The following GPRASP3 variants were observed in gnomAD, a reference collection of about 807,000 sequenced individuals.
GPRASP3 encodes the protein G protein-coupled receptor associated sorting protein 3.
chrX:102,736,878 T>A, the GPRASP3 span, among the ~76,000 whole-genome samples: 1 of 112,139 alleles, frequency 8.9e-6, no homozygotes, highest in East Asian at 2.8e-4. Flanking sequence ...GAAAAACAGG[T>A]AACGCAATGC....
chrX:102,739,667 T>C, the GPRASP3 span, among the ~76,000 whole-genome samples: 1 of 111,508 alleles, frequency 9.0e-6, no homozygotes, highest in African/African-American at 3.3e-5. Flanking sequence ...GACAAGCCGC[T>C]TTTAAAAGCC....
the GPRASP3 span, among the ~76,000 whole-genome samples, chrX:102,745,565 C>G: frequency 1.8e-5 from 2 of 111,160 alleles, no homozygotes. Flanking sequence ...ACTGCTGACA[C>G]CCCCTCTCCC....
At chrX:102,744,976 T>A in the GPRASP3 span, among the ~76,000 whole-genome samples, 1 of 111,213 alleles carries the variant, frequency 9.0e-6, no homozygotes, top group African/African-American at 3.3e-5. Flanking sequence ...CCCCATCGCT[T>A]GGAAGGGAGA....
At chrX:102,750,489 G>A in the GPRASP3 span, 5 of 1,210,124 alleles carry the variant, frequency 4.1e-6, no homozygotes, top group Non-Finnish European at 5.6e-6. Context: ...ACCAGAAAGA[G>A]GCAAAAGCCA....
At chrX:102,741,849 A>G in the GPRASP3 span, among the ~76,000 whole-genome samples, 1 of 112,325 alleles carries the variant, frequency 8.9e-6, no homozygotes, top group Non-Finnish European at 1.9e-5. Context: ...GTGGGCTGTA[A>G]TATTTAAAAT....
At chrX:102,737,176 A>G in the GPRASP3 span, among the ~76,000 whole-genome samples, 4 of 112,523 alleles carry the variant, frequency 3.6e-5, no homozygotes, top group African/African-American at 1.3e-4. Context: ...TTTTAAATGT[A>G]TGTATAGCTT....
chrX:102,726,813 A>T, the GPRASP3 span, among the ~76,000 whole-genome samples: 2 of 112,701 alleles, frequency 1.8e-5, no homozygotes, highest in African/African-American at 6.4e-5. Flanking sequence ...AACTAGGTTT[A>T]TCTATTATCT....
chrX:102,749,436 T>C, the GPRASP3 span: 4 of 1,210,210 alleles, frequency 3.3e-6, no homozygotes, highest in East Asian at 5.9e-5. Context: ...CCCAGGTCTG[T>C]GCTGAGGAGT....
chrX:102,735,403 CT>C, the GPRASP3 span, among the ~76,000 whole-genome samples: 1,823 of 94,395 alleles, frequency 0.019, 33 homozygotes, highest in African/African-American at 0.066. Flanking sequence ...CACAGAATCT[CT>C]TTTTTTTTTT....
At chrX:102,750,654 A>G in the GPRASP3 span, 2 of 1,140,189 alleles carry the variant, frequency 1.8e-6, no homozygotes, top group Middle Eastern at 2.5e-4. Context: ...AGCCAGAGAT[A>G]GAACATTTTA....
At chrX:102,751,934 C>T in the GPRASP3 span, 3 of 107,848 alleles carry the variant, frequency 2.8e-5, no homozygotes, top group African/African-American at 1.1e-4. Flanking sequence ...TTCCTCCTTG[C>T]GAAATCATAC....
chrX:102,736,078 G>T, the GPRASP3 span, among the ~76,000 whole-genome samples: 1 of 111,770 alleles, frequency 8.9e-6, no homozygotes, highest in East Asian at 2.8e-4. Flanking sequence ...ATGTCGTTAG[G>T]CCTTATCTAG....
chrX:102,748,977 A>G, the GPRASP3 span: 1 of 1,193,554 alleles, frequency 8.4e-7, no homozygotes, highest in Non-Finnish European at 1.1e-6. Flanking sequence ...GGACAGGGCC[A>G]TATAACTGGG....
At chrX:102,751,780 T>G in the GPRASP3 span, 2 of 123,067 alleles carry the variant, frequency 1.6e-5, no homozygotes, top group African/African-American at 6.5e-5. Flanking sequence ...AAAACTTTGT[T>G]CAATGAGTAA....
At chrX:102,731,247 C>T in the GPRASP3 span, among the ~76,000 whole-genome samples, 1 of 112,495 alleles carries the variant, frequency 8.9e-6, no homozygotes, top group South Asian at 3.6e-4. Context: ...CTTGCCTGCT[C>T]AGAAGAAAGA....
chrX:102,732,369 C>T, the GPRASP3 span, among the ~76,000 whole-genome samples: 1 of 110,346 alleles, frequency 9.1e-6, no homozygotes, highest in Non-Finnish European at 1.9e-5. Context: ...CCTTCCTGTC[C>T]CACTGATGAT....
At chrX:102,729,785 G>A in the GPRASP3 span, among the ~76,000 whole-genome samples, 173 of 111,851 alleles carry the variant, frequency 1.5e-3, no homozygotes, top group African/African-American at 5.1e-3. Flanking sequence ...CAGGAGAATC[G>A]CTTGAACCCG....
chrX:102,726,262 T>A, the GPRASP3 span, among the ~76,000 whole-genome samples: 1 of 112,437 alleles, frequency 8.9e-6, no homozygotes, highest in Middle Eastern at 4.6e-3. Flanking sequence ...CCCACCTTTG[T>A]GGTTTGAATC....
chrX:102,733,714 C>T, the GPRASP3 span, among the ~76,000 whole-genome samples: 1 of 108,677 alleles, frequency 9.2e-6, no homozygotes, highest in African/African-American at 3.3e-5. Context: ...CCCTGTTCTG[C>T]TTGATATTCA....
Sources: allele counts gnomAD v4.1 joint callset (sites outside exome capture counted in the v4.1 genomes callset), GRCh38; gene constraint gnomAD v4.1.1; transcripts MANE v1.5; gene names NCBI Gene and HGNC (gene_info 2026-07-23, HGNC 2026-07-21).